PRRC2B: variants seen among roughly 807,000 people sequenced by gnomAD.
PRRC2B encodes proline rich coiled-coil 2B.
In PRRC2B, 68 loss-of-function variants were observed where a neutral mutation model predicts 242.3. The observed-to-expected ratio is 0.28, with a 90% CI of 0.23 to 0.34. The LOEUF (loss-of-function observed/expected upper bound fraction) is 0.34, where lower values mean the gene tolerates loss of function less well. Ranked by LOEUF, PRRC2B falls within the 10% of genes least tolerant of loss-of-function variation. PRRC2B has a pLI of 1.00. For synonymous variants in PRRC2B, 1,228 were observed against 1,173.6 expected (o/e 1.05, Z -0.95); for missense variants, 2,835 against 2,954.8 (o/e 0.96, Z 0.94).
chr9:131,444,640 G>A (rs538107825), intron 6 of PRRC2B, among the ~76,000 whole-genome samples: 4 of 152,226 alleles, frequency 2.6e-5, no homozygotes, highest in East Asian at 3.9e-4. Flanking sequence ...TTAGGTCCCC[G>A]GTTCAAGAGC....
chr9:131,426,907 G>A (rs1207182569), intron 1 of PRRC2B, among the ~76,000 whole-genome samples: 1 of 152,168 alleles, frequency 6.6e-6, no homozygotes, highest in East Asian at 1.9e-4. Flanking sequence ...GGTATTCCTT[G>A]GCCCATGGCA....
chr9:131,465,212 A>G, intron 12 of PRRC2B, 134 bp downstream of exon 12: 5 of 876,564 alleles, frequency 5.7e-6, no homozygotes, highest in Non-Finnish European at 5.2e-6. Flanking sequence ...AGCATCAGTT[A>G]TTAAGAGCAT....
At chr9:131,452,413 G>A (rs1942951139) in intron 9 of PRRC2B, among the ~76,000 whole-genome samples, 1 of 152,148 alleles carries the variant, frequency 6.6e-6, no homozygotes, top group South Asian at 2.1e-4. Flanking sequence ...AGACTGTGCA[G>A]TTTCCCTATG....
intron 1 of PRRC2B, among the ~76,000 whole-genome samples, chr9:131,398,253 C>T (rs907837777): frequency 2.0e-5 from 3 of 152,176 alleles, no homozygotes; most frequent in Admixed American, 2.0e-4. Flanking sequence ...CTCTTTTGTG[C>T]TGGGAGGTAG....
chr9:131,465,621 C>G (rs1211276913), intron 12 of PRRC2B, among the ~76,000 whole-genome samples: 1 of 152,202 alleles, frequency 6.6e-6, no homozygotes, highest in African/African-American at 2.4e-5. Context: ...CACGTGTGCT[C>G]TAGGACTTTA....
Position 131,494,631 on chromosome 9 carries a change from C to G in PRRC2B, c.6555+145C>G. On this transcript the variant is annotated intron_variant, in intron 31 of 31. Coordinates refer to ENST00000683519, the MANE Select transcript of PRRC2B (RefSeq NM_013318.4). This position sits in a 1 kb window ranked among gnomAD's most constrained non-coding sequence, Gnocchi z 4.3. ...AGCGGTTAGAGCACAGAACCGGGAGCTGGGCCGCCCGCGTCCCTCCTGGCG... is the reference window on the plus strand; with the variant it reads ...AGCGGTTAGAGCACAGAACCGGGAGGTGGGCCGCCCGCGTCCCTCCTGGCG... The G allele has an allele frequency of 1.8e-6, 1 of 558,770 alleles. No individual in the cohort carries two copies. Among genetic ancestry groups the G allele is most frequent in the Non-Finnish European group, 3.2e-6 (1 of 314,804 alleles). The allele number at this position is 558,770 out of a possible 1,614,324, so 34.6% of individuals were successfully genotyped here.
intron 1 of PRRC2B, among the ~76,000 whole-genome samples, chr9:131,379,688 C>T (rs959614283): frequency 5.6e-5 from 8 of 144,126 alleles, no homozygotes; most frequent in Non-Finnish European, 8.9e-5. Context: ...TGCAATGGTG[C>T]GATCACAGCT....
chr9:131,463,833 A>G (rs966158397), intron 11 of PRRC2B, among the ~76,000 whole-genome samples: 1 of 151,704 alleles, frequency 6.6e-6, no homozygotes, highest in Non-Finnish European at 1.5e-5. Flanking sequence ...GGGTCTCACC[A>G]TATTGCCCAG....
At chr9:131,408,842 TC>T (rs1162277807) in intron 1 of PRRC2B, among the ~76,000 whole-genome samples, 1 of 150,350 alleles carries the variant, frequency 6.7e-6, no homozygotes, top group Non-Finnish European at 1.5e-5. Flanking sequence ...GCCTCAGCCT[TC>T]CGAGTAGCTG....
At chr9:131,460,425 A>G (rs1943209326) in intron 11 of PRRC2B, among the ~76,000 whole-genome samples, 1 of 152,136 alleles carries the variant, frequency 6.6e-6, no homozygotes, top group Admixed American at 6.5e-5. Context: ...CACAGTTTCC[A>G]TCCTTGGCAG....
chr9:131,458,021 C>A (rs962409610), intron 10 of PRRC2B, among the ~76,000 whole-genome samples: 3 of 152,148 alleles, frequency 2.0e-5, no homozygotes, highest in African/African-American at 7.2e-5. Flanking sequence ...TGCTTTGCCC[C>A]AGCACCATTG....
intron 1 of PRRC2B, among the ~76,000 whole-genome samples, chr9:131,425,474 G>A (rs1837952679): frequency 6.6e-6 from 1 of 151,784 alleles, no homozygotes; most frequent in African/African-American, 2.4e-5. Flanking sequence ...GCTTTTAAGA[G>A]GACTTTTGTT....
At chr9:131,442,545 A>G (rs1012451459) in intron 5 of PRRC2B, among the ~76,000 whole-genome samples, 8 of 152,174 alleles carry the variant, frequency 5.3e-5, no homozygotes, top group South Asian at 4.1e-4. Context: ...GGACCTTTTT[A>G]CTAAGGGAGT....
intron 1 of PRRC2B, among the ~76,000 whole-genome samples, chr9:131,402,231 C>T (rs552289866): frequency 1.3e-5 from 2 of 152,346 alleles, no homozygotes; most frequent in East Asian, 1.9e-4. Context: ...GCTGGAATTA[C>T]AGCCATGTGT....
At chr9:131,408,521 CAG>C (rs1300066487) in intron 1 of PRRC2B, among the ~76,000 whole-genome samples, 1 of 152,110 alleles carries the variant, frequency 6.6e-6, no homozygotes, top group African/African-American at 2.4e-5. Context: ...CTGAACTAAA[CAG>C]AACTTATGTA....
At chr9:131,390,476 C>CTTTTT (rs10688559), upstream of PRRC2B, among the ~76,000 whole-genome samples, 103 of 41,224 alleles carry the variant, frequency 2.5e-3, 29 homozygotes, top group South Asian at 4.6e-3. Flanking sequence ...CCTAGCTTGC[C>CTTTTT]TTTTTTTTTT....
At chr9:131,490,934 A>G in intron 28 of PRRC2B, 1 of 292,756 alleles carries the variant, frequency 3.4e-6, no homozygotes, top group South Asian at 3.4e-5. Flanking sequence ...GTGTGCACCC[A>G]CAGATCCTAT....
rs1192846287 is a variant in PRRC2B, at chr9:131,446,312, G to A, written c.614-89G>A. 3.4e-6 allele frequency: 5 copies of A among 1,465,850 alleles called. No homozygotes were observed. The highest frequency in any genetic ancestry group is 4.6e-5 in the East Asian group (2 of 43,802). 90.8% of individuals were successfully genotyped at this position (1,465,850 alleles called of 1,614,324 possible). On this transcript the variant is annotated intron_variant, in intron 6 of 31. Transcript: ENST00000683519. This position sits in a 1 kb window ranked among gnomAD's most constrained non-coding sequence, Gnocchi z 4.1. ...TTTTTCATTTTATTTTTTTGGTGAA[G>A]GAGGGGGTCCCTTGACCTTCAGAAC... is the stretch of plus-strand genomic sequence containing the variant.
intron 11 of PRRC2B, among the ~76,000 whole-genome samples, chr9:131,464,395 C>T (rs1434478983): frequency 6.6e-6 from 1 of 152,154 alleles, no homozygotes; most frequent in Non-Finnish European, 1.5e-5. Context: ...CTTCCTGTTC[C>T]GGTTCTTAGC....
Sources: gnomAD v4.1 joint callset for allele counts (sites outside exome capture counted in the v4.1 genomes callset) on GRCh38, gnomAD v4.1.1 for gene constraint, Gnocchi (gnomAD v3.1) non-coding constraint, MANE v1.5 for transcripts, NCBI Gene and HGNC (gene_info 2026-07-23, HGNC 2026-07-21) for gene names.